ANO4: variants seen among roughly 807,000 people sequenced by gnomAD.
ANO4 encodes the protein anoctamin 4.
ANO4 carries 69 observed loss-of-function variants against 141.9 expected under a neutral mutation model. The ratio of observed to expected loss-of-function variants is 0.49; its 90% CI spans 0.40 to 0.59. The LOEUF (loss-of-function observed/expected upper bound fraction) is 0.59, where lower values mean the gene tolerates loss of function less well. Among genes scored for constraint, ANO4 ranks in the 20% least tolerant of loss-of-function variants. The pLI, the probability that ANO4 is intolerant of heterozygous loss-of-function variation, is 0.00. For missense variants in ANO4, 894 were observed against 1,162.2 expected, an observed-to-expected ratio of 0.77 and a Z score of 3.36; for synonymous variants, 350 against 394.3, an observed-to-expected ratio of 0.89 and a Z score of 1.33.
At chr12:100,886,968 T>C (rs2039865177) in intron 1 of ANO4, among the ~76,000 whole-genome samples, 1 of 152,240 alleles carries the variant, frequency 6.6e-6, no homozygotes, top group Admixed American at 6.5e-5. Context: ...TCTGCCTTTT[T>C]CATCCTTGTT....
intron 2 of ANO4, chr12:100,739,809 A>G (rs2031783212): frequency 1.4e-6 from 1 of 697,776 alleles, no homozygotes; most frequent in Non-Finnish European, 2.6e-6. Context: ...AGCACACTAT[A>G]TGGCTTTGAT....
intron 3 of ANO4, among the ~76,000 whole-genome samples, chr12:100,924,084 A>G (rs1041642393): frequency 2.0e-5 from 3 of 152,028 alleles, no homozygotes; most frequent in African/African-American, 7.2e-5. Flanking sequence ...CCCATTCTGT[A>G]GGTTGCTTAT....
chr12:101,096,670 C>G (rs1255816785), intron 19 of ANO4, 23 bp downstream of exon 19: 2 of 1,560,054 alleles, frequency 1.3e-6, no homozygotes, highest in Admixed American at 1.7e-5. Context: ...CCCCTGCACA[C>G]CTCCCCAAGC....
At chr12:101,006,702 A>T (rs2045886927) in intron 8 of ANO4, among the ~76,000 whole-genome samples, 1 of 152,200 alleles carries the variant, frequency 6.6e-6, no homozygotes, top group African/African-American at 2.4e-5. Context: ...AACTTGCAGG[A>T]GAGTAATTAT....
At chr12:100,873,599 T>G (rs1254303264) in intron 1 of ANO4, among the ~76,000 whole-genome samples, 5 of 152,144 alleles carry the variant, frequency 3.3e-5, no homozygotes, top group African/African-American at 1.2e-4. Context: ...ATTGAAGATG[T>G]GGTGTGGCTG....
chr12:100,788,835 C>T lies in ANO4; in HGVS notation c.358+48730C>T, dbSNP rs1011574648. Among the ~76,000 whole-genome samples, 4 of 150,476 alleles carry T rather than the reference C, an allele frequency of 2.7e-5. No homozygotes were observed. In the East Asian group the frequency reaches 5.9e-4, roughly 22 times the overall value. The stretch of plus-strand genomic sequence containing the variant: ...TAGACATTAAACAAGCAATCAAATA[C>T]AGTGGTTACAGATAGAGATAAATGT... On this transcript the variant is annotated intron_variant, in intron 3 of 29. Coordinates refer to the ANO4 transcript ENST00000644049.
At chr12:100,735,285 T>C (rs2031557380) in intron 2 of ANO4, among the ~76,000 whole-genome samples, 1 of 152,206 alleles carries the variant, frequency 6.6e-6, no homozygotes, top group South Asian at 2.1e-4. Flanking sequence ...GTTCAGAATA[T>C]GCTTGTATTA....
intron 3 of ANO4, among the ~76,000 whole-genome samples, chr12:100,750,818 G>A (rs1276057696): frequency 6.6e-6 from 1 of 152,144 alleles, no homozygotes; most frequent in Non-Finnish European, 1.5e-5. Flanking sequence ...AGCAACCATG[G>A]TACTGACTCA....
At chr12:100,969,350 A>G (rs950326215) in intron 5 of ANO4, among the ~76,000 whole-genome samples, 1 of 152,214 alleles carries the variant, frequency 6.6e-6, no homozygotes, top group Non-Finnish European at 1.5e-5. Context: ...CTGAACTGCC[A>G]GAAAGTTAGA....
intron 26 of ANO4, among the ~76,000 whole-genome samples, chr12:101,123,392 T>C (rs2051174192): frequency 6.6e-6 from 1 of 152,188 alleles, no homozygotes. Context: ...GCCACGGTCA[T>C]CTGCTGCACA....
intron 5 of ANO4, among the ~76,000 whole-genome samples, chr12:100,944,710 T>C (rs2042654626): frequency 6.6e-6 from 1 of 152,218 alleles, no homozygotes; most frequent in South Asian, 2.1e-4. Flanking sequence ...CTTTGCATCT[T>C]CGTGGACTCA....
At chr12:100,951,152 A>C (rs2042954773) in intron 5 of ANO4, among the ~76,000 whole-genome samples, 1 of 152,206 alleles carries the variant, frequency 6.6e-6, no homozygotes, top group Middle Eastern at 3.2e-3. Context: ...CACCAGTCAG[A>C]ATGGCTATTA....
chr12:100,735,235 A>G (rs12579173), intron 2 of ANO4, among the ~76,000 whole-genome samples: 7,218 of 152,292 alleles, frequency 0.047, 324 homozygotes, highest in East Asian at 0.16. Flanking sequence ...ATAGAAACAC[A>G]AAAGTAAACC....
In ANO4 at chr12:100,796,269, A is replaced by AT. The variant is rs563071453; in HGVS notation, c.-141+1248dup. ...TAAGGTACTGAACTAATACAATGTG[A>AT]TTTTTTGTGATAAGTGAGGGGAGAG... On this transcript the variant is annotated intron_variant, in intron 1 of 27. Coordinates refer to ENST00000392977, the MANE Select transcript of ANO4 (RefSeq NM_001286615.2). 2.1e-4 allele frequency among the ~76,000 whole-genome samples: 32 copies of AT among 152,174 alleles called. No homozygotes were observed. In the East Asian group the frequency reaches 6.0e-3, roughly 28 times the overall value.
upstream of ANO4, among the ~76,000 whole-genome samples, chr12:100,793,581 A>C (rs74946243): frequency 0.02 from 3,094 of 152,082 alleles, 105 homozygotes; most frequent in African/African-American, 0.07. Flanking sequence ...GAAAAAAAAA[A>C]CAGAAAACAA....
chr12:100,982,475 A>G (rs950920118), intron 7 of ANO4, among the ~76,000 whole-genome samples: 2 of 152,240 alleles, frequency 1.3e-5, no homozygotes, highest in Admixed American at 6.5e-5. Context: ...CACAGACATC[A>G]ATCTACTAGG....
chr12:100,813,075 G>A (rs572903506), intron 1 of ANO4, among the ~76,000 whole-genome samples: 1 of 152,322 alleles, frequency 6.6e-6, no homozygotes, highest in South Asian at 2.1e-4. Flanking sequence ...CTACAGTGTA[G>A]CTACTATTCT....
chr12:100,771,843 G>A (rs2033314854), intron 3 of ANO4, among the ~76,000 whole-genome samples: 1 of 152,236 alleles, frequency 6.6e-6, no homozygotes, highest in Non-Finnish European at 1.5e-5. Flanking sequence ...AGGAGGGCCT[G>A]AGTCCTTGAC....
intron 1 of ANO4, among the ~76,000 whole-genome samples, chr12:100,808,870 G>A (rs115543048): frequency 6.6e-6 from 1 of 152,136 alleles, no homozygotes; most frequent in African/African-American, 2.4e-5. Context: ...AATTTAGTAA[G>A]TGTTTTTCAC....
Sources: gnomAD v4.1 joint callset for allele counts (sites outside exome capture counted in the v4.1 genomes callset) on GRCh38, gnomAD v4.1.1 for gene constraint, MANE v1.5 for transcripts, NCBI Gene and HGNC (gene_info 2026-07-23, HGNC 2026-07-21) for gene names.